ZP3: variants seen among roughly 807,000 people sequenced by gnomAD.
ZP3 encodes zona pellucida sperm-binding protein 3.
A neutral mutation model predicts 35.6 loss-of-function variants in ZP3; 21 were observed. The observed-to-expected ratio is 0.59, with a 90% confidence interval of 0.42 to 0.85. The LOEUF is 0.85. ZP3 is among the 40% of genes least tolerant of loss of function. The pLI is 0.00. For synonymous variants in ZP3, 207 were observed against 214.5 expected, an observed-to-expected ratio of 0.96 and a Z score of 0.31; for missense variants, 437 against 536.5, an observed-to-expected ratio of 0.81 and a Z score of 1.83.
chr7:76,431,664 C>A, intron 2 of ZP3, among the ~76,000 whole-genome samples: 1 of 152,130 alleles, frequency 6.6e-6, no homozygotes, highest in East Asian at 1.9e-4. Context: ...CTTTGGGAGG[C>A]CGAGGCGGGC....
At chr7:76,433,104 CTT>C (rs890152277) in intron 3 of ZP3, 74 bp downstream of exon 3, 1 of 1,072,374 alleles carries the variant, frequency 9.3e-7, no homozygotes, top group South Asian at 1.8e-5. Flanking sequence ...TTGGCTGTGT[CTT>C]TTTTTTGTTT....
At chr7:76,410,131 T>C (rs2017544) in intron 1 of ZP3, among the ~76,000 whole-genome samples, 76,485 of 151,768 alleles carry the variant, frequency 0.5, 19,846 homozygotes, top group African/African-American at 0.6. Context: ...CTCCCAGGCT[T>C]AATCAATTCT....
At chr7:76,413,613 TA>T (rs35762069) in intron 1 of ZP3, among the ~76,000 whole-genome samples, 81,943 of 144,232 alleles carry the variant, frequency 0.57, 22,610 homozygotes, top group East Asian at 0.83. Flanking sequence ...AACTTTTTTT[TA>T]AAAAAAAGCC....
chr7:76,432,963 C>T lies in ZP3; in HGVS notation c.468C>T (p.Thr156=), dbSNP rs950744608. The T allele has an allele frequency of 6.2e-7, 1 of 1,614,042 alleles. No homozygotes were observed. Among genetic ancestry groups the T allele is most frequent in the Non-Finnish European group, 8.5e-7 (1 of 1,180,048 alleles). ...GNVSSQAILP[T]WLPFRTTVFS... ...TGAGCAGCCAGGCCATCCTGCCCAC[C>T]TGGTTGCCCTTCAGGACCACGGTGT... The change falls in exon 3 of 8, where the codon ACC becomes ACT. Residue 156 remains threonine (T), a synonymous_variant. Transcript: ENST00000394857.
chr7:76,435,566 C>A (rs1563702789), intron 5 of ZP3, among the ~76,000 whole-genome samples: 1 of 152,272 alleles, frequency 6.6e-6, no homozygotes, highest in Non-Finnish European at 1.5e-5. Flanking sequence ...CTATACTAAT[C>A]ATCTGGAGAG....
intron 1 of ZP3, chr7:76,400,623 T>G: frequency 7.0e-7 from 1 of 1,424,774 alleles, no homozygotes; most frequent in East Asian, 2.7e-5. Context: ...CACCAGGGGG[T>G]CACTGAGTCC....
At chr7:76,407,334 A>AAC (rs1805070289) in intron 1 of ZP3, among the ~76,000 whole-genome samples, 1 of 119,326 alleles carries the variant, frequency 8.4e-6, no homozygotes, top group Non-Finnish European at 1.8e-5. Flanking sequence ...AGGCGGGAGG[A>AAC]TCTCTTTTTT....
At chr7:76,417,530 T>C (rs1368845772) in intron 1 of ZP3, among the ~76,000 whole-genome samples, 1 of 152,168 alleles carries the variant, frequency 6.6e-6, no homozygotes. Context: ...AAATTTGTGA[T>C]TCCTCTTATT....
intron 1 of ZP3, among the ~76,000 whole-genome samples, chr7:76,425,560 C>T (rs78889629): frequency 0.026 from 3,925 of 152,158 alleles, 128 homozygotes; most frequent in East Asian, 0.14. Context: ...GTTTGTGACA[C>T]ACACAGGCCT....
intron 1 of ZP3, among the ~76,000 whole-genome samples, chr7:76,425,617 G>A (rs1805628346): frequency 6.6e-6 from 1 of 152,186 alleles, no homozygotes; most frequent in Non-Finnish European, 1.5e-5. Flanking sequence ...TGTTTCTAAG[G>A]CTGGGGGCAT....
chr7:76,429,665 G>A (rs767332698), intron 2 of ZP3, 32 bp downstream of exon 2: 1 of 1,591,172 alleles, frequency 6.3e-7, no homozygotes, highest in South Asian at 1.1e-5. Flanking sequence ...GGCCCCTGGT[G>A]CAAAAGCCCC....
At chr7:76,436,699 GAA>G (rs1222500646) in intron 5 of ZP3, among the ~76,000 whole-genome samples, 6 of 152,256 alleles carry the variant, frequency 3.9e-5, no homozygotes, top group Non-Finnish European at 8.8e-5. Flanking sequence ...GCAGATTTGG[GAA>G]AAGAGTCCTG....
intron 1 of ZP3, chr7:76,404,315 A>G: frequency 6.2e-7 from 1 of 1,602,732 alleles, no homozygotes; most frequent in Non-Finnish European, 8.5e-7. Context: ...ACCCAGTGGC[A>G]GGAGGAGAAG....
intron 1 of ZP3, among the ~76,000 whole-genome samples, chr7:76,403,043 A>G (rs1358717341): frequency 6.6e-6 from 1 of 152,214 alleles, no homozygotes; most frequent in Non-Finnish European, 1.5e-5. Flanking sequence ...CAGACAGGGC[A>G]ACTTCAGGGT....
intron 1 of ZP3, among the ~76,000 whole-genome samples, chr7:76,405,270 ATTAT>A (rs1804961867): frequency 5.4e-5 from 1 of 18,606 alleles, no homozygotes; most frequent in Non-Finnish European, 1.1e-4. Context: ...CACCCAGCTA[ATTAT>A]ATATATATAT....
chr7:76,416,928 A>G (rs1404053563), intron 1 of ZP3, among the ~76,000 whole-genome samples: 1 of 115,412 alleles, frequency 8.7e-6, no homozygotes, highest in Non-Finnish European at 1.7e-5. Flanking sequence ...ATATATACAC[A>G]TACATATGTA....
chr7:76,419,989 A>G (rs985074929), upstream of ZP3, among the ~76,000 whole-genome samples: 1 of 151,684 alleles, frequency 6.6e-6, no homozygotes, highest in Non-Finnish European at 1.5e-5. Context: ...TTTAGTAGAG[A>G]TGGGGTTTCT....
intron 5 of ZP3, among the ~76,000 whole-genome samples, chr7:76,438,005 A>G (rs1268703206): frequency 1.3e-5 from 2 of 151,860 alleles, no homozygotes; most frequent in Middle Eastern, 6.3e-3. Context: ...CTTGTTTCTA[A>G]AAGTCTGAAT....
chr7:76,418,494 T>C (rs62476849), intron 1 of ZP3, among the ~76,000 whole-genome samples: 25,969 of 138,316 alleles, frequency 0.19, 2,610 homozygotes, highest in South Asian at 0.27. Context: ...GAGGTTGCAG[T>C]GAGCCAGGAT....
Sources: gnomAD v4.1 joint callset for allele counts (sites outside exome capture counted in the v4.1 genomes callset) on GRCh38, gnomAD v4.1.1 for gene constraint, MANE v1.5 for transcripts, NCBI Gene and HGNC (gene_info 2026-07-23, HGNC 2026-07-21) for gene names.